TIMM23: variants seen among roughly 807,000 people sequenced by gnomAD.
The protein encoded by TIMM23 is mitochondrial import inner membrane translocase subunit Tim23.
A neutral mutation model predicts 30.7 loss-of-function variants in TIMM23; 19 were observed. That is an observed-to-expected ratio of 0.62 (90% CI 0.43 to 0.91). The LOEUF is 0.91. TIMM23 is among the 40% of genes least tolerant of loss of function. TIMM23 has a pLI of 0.00. For missense variants in TIMM23, 202 were observed against 269.2 expected, an observed-to-expected ratio of 0.75 and a Z score of 1.75; for synonymous variants, 78 against 98.5, an observed-to-expected ratio of 0.79 and a Z score of 1.23.
At chr10:45,992,769 G>T in intron 6 of TIMM23, 1 of 346,796 alleles carries the variant, frequency 2.9e-6, no homozygotes, top group Non-Finnish European at 5.6e-6. Context: ...TGTTGGCCAG[G>T]ATGTTCTCGA....
At chr10:45,977,438 G>A (rs1485481987) in intron 2 of TIMM23, among the ~76,000 whole-genome samples, 137,197 of 152,266 alleles carry the variant, frequency 0.9, 62,035 homozygotes, top group African/African-American at 0.97. Context: ...TTGCTTTTCA[G>A]CAAGGATGCC....
At chr10:45,988,434 A>G (rs1185525469) in intron 5 of TIMM23, among the ~76,000 whole-genome samples, 2 of 152,108 alleles carry the variant, frequency 1.3e-5, no homozygotes, top group African/African-American at 2.4e-5. Context: ...GTGGGGAGAA[A>G]AGGGAGTAGG....
chr10:45,988,642 T>G (rs1554915197), intron 5 of TIMM23, 95 bp from the exon 6 acceptor site: 17 of 827,656 alleles, frequency 2.1e-5, no homozygotes, highest in Non-Finnish European at 3.4e-5. Flanking sequence ...ATGGGAGTTA[T>G]GAGCTAGGAA....
intron 1 of TIMM23, among the ~76,000 whole-genome samples, chr10:45,973,859 T>C (rs2132236860): frequency 6.6e-6 from 1 of 151,740 alleles, no homozygotes; most frequent in South Asian, 2.1e-4. Context: ...CCCTGTGTTG[T>C]CCAAGCTGGT....
At chr10:45,984,128 G>A (rs1837932317) in intron 4 of TIMM23, among the ~76,000 whole-genome samples, 1 of 152,014 alleles carries the variant, frequency 6.6e-6, no homozygotes, top group African/African-American at 2.4e-5. Flanking sequence ...TTTATTACTT[G>A]TCCCTCGCTT....
intron 6 of TIMM23, chr10:46,002,544 G>A: frequency 1.0e-6 from 1 of 969,314 alleles, no homozygotes; most frequent in Non-Finnish European, 1.2e-6. Context: ...TCCAAATAGG[G>A]TGTCACCTTG....
At chr10:45,997,368 A>T (rs1398630368) in intron 6 of TIMM23, among the ~76,000 whole-genome samples, 2 of 152,318 alleles carry the variant, frequency 1.3e-5, no homozygotes, top group East Asian at 3.9e-4. Context: ...AATGTGAGGT[A>T]CTTAGAATAG....
At chr10:45,986,765 C>T (rs1170717832) in intron 5 of TIMM23, among the ~76,000 whole-genome samples, 22 of 151,476 alleles carry the variant, frequency 1.5e-4, no homozygotes, top group Admixed American at 9.2e-4. Flanking sequence ...AATCAAACCT[C>T]ACTTTTTTTT....
chr10:45,983,198 T>G (rs1218770853), intron 4 of TIMM23, among the ~76,000 whole-genome samples: 1 of 152,276 alleles, frequency 6.6e-6, no homozygotes, highest in Non-Finnish European at 1.5e-5. Context: ...TGTTACATTC[T>G]CCAACCCTAT....
intron 5 of TIMM23, among the ~76,000 whole-genome samples, chr10:45,988,107 C>G (rs1263012653): frequency 6.6e-6 from 1 of 152,254 alleles, no homozygotes; most frequent in Admixed American, 6.5e-5. Context: ...AGAAAGTCCT[C>G]CGACCCCATC....
At chr10:45,992,441 T>C (rs1838191898) in intron 6 of TIMM23, 1 of 455,950 alleles carries the variant, frequency 2.2e-6, no homozygotes, top group South Asian at 1.5e-5. Context: ...CATCTCAATA[T>C]GCGTAGACTC....
chr10:45,997,676 A>G (rs1239379187), intron 6 of TIMM23, among the ~76,000 whole-genome samples: 3 of 152,132 alleles, frequency 2.0e-5, no homozygotes, highest in Admixed American at 1.3e-4. Flanking sequence ...ATGGTGGTGC[A>G]TGATTGTAGT....
In TIMM23 at chr10:46,002,611, C is replaced by T. The variant is rs1006042724; in HGVS notation, c.515-592C>T. 5.5e-6 allele frequency: 3 copies of T among 540,766 alleles called. No individual in the cohort carries two copies. In the South Asian group the frequency reaches 2.4e-4, roughly 43 times the overall value. The allele number at this position is 540,766 out of a possible 1,614,324, so 33.5% of individuals were successfully genotyped here. A position where few individuals can be genotyped will look rare whatever the true frequency, so the allele number is the denominator to read the frequency against. ...GCTAGTGGAGTTCTAAATCATATTA[C>T]TAGCAGGAAACGACTGTTCTAGTTG... On this transcript the variant is annotated intron_variant, in intron 6 of 6. Transcript: ENST00000580018.
At chr10:45,978,187 C>A (rs1554913459) in intron 2 of TIMM23, among the ~76,000 whole-genome samples, 2 of 151,804 alleles carry the variant, frequency 1.3e-5, no homozygotes, top group Non-Finnish European at 2.9e-5. Context: ...TCCCATCTCT[C>A]CAAAAAAATA....
intron 6 of TIMM23, among the ~76,000 whole-genome samples, chr10:45,997,370 TTAGAA>T (rs1838375545): frequency 1.3e-5 from 2 of 152,208 alleles, no homozygotes; most frequent in Non-Finnish European, 2.9e-5. Flanking sequence ...TGTGAGGTAC[TTAGAA>T]TAGTCAGATT....
At chr10:45,986,287 C>G (rs1340593837) in intron 5 of TIMM23, among the ~76,000 whole-genome samples, 1 of 152,132 alleles carries the variant, frequency 6.6e-6, no homozygotes, top group African/African-American at 2.4e-5. Flanking sequence ...CTGCATTCCT[C>G]CCACCCTCCT....
At chr10:45,992,581 C>A (rs1310538425) in intron 6 of TIMM23, 2 of 422,550 alleles carry the variant, frequency 4.7e-6, no homozygotes, top group Non-Finnish European at 9.2e-6. Context: ...TTTTTTTAAA[C>A]GGAGTTTTGC....
intron 6 of TIMM23, among the ~76,000 whole-genome samples, chr10:45,992,143 T>C (rs1353451849): frequency 3.3e-5 from 5 of 152,046 alleles, no homozygotes; most frequent in Non-Finnish European, 7.4e-5. Context: ...ATTTTTTTCA[T>C]TGTTTCTTTT....
intron 6 of TIMM23, among the ~76,000 whole-genome samples, chr10:45,997,358 A>AATGTGAGGTACTTAGAATAGTCAGATTC (rs1554916916): frequency 6.6e-6 from 1 of 152,222 alleles, no homozygotes; most frequent in Non-Finnish European, 1.5e-5. Flanking sequence ...TGATTCTACT[A>AATGTGAGGTACTTAGAATAGTCAGATTC]ATGTGAGGTA....
Sources: gnomAD v4.1 joint callset for allele counts (sites outside exome capture counted in the v4.1 genomes callset) on GRCh38, gnomAD v4.1.1 for gene constraint, MANE v1.5 for transcripts, NCBI Gene and HGNC (gene_info 2026-07-23, HGNC 2026-07-21) for gene names.